C19orf81: variants seen among roughly 807,000 people sequenced by gnomAD.
C19orf81 encodes the protein putative uncharacterized protein C19orf81.
C19orf81 carries 19 observed loss-of-function variants against 22.1 expected under a neutral mutation model. The observed-to-expected ratio is 0.86, with a 90% confidence interval of 0.60 to 1.26. C19orf81 has a LOEUF of 1.26. C19orf81 is among the 50% of genes most tolerant of loss of function. C19orf81 has a pLI of 0.00. For missense variants in C19orf81, 287 were observed against 280.7 expected (o/e 1.02, Z -0.16); for synonymous variants, 108 against 113.1 (o/e 0.95, Z 0.29).
intron 1 of C19orf81, among the ~76,000 whole-genome samples, chr19:50,652,805 C>T (rs779107993): frequency 4.6e-5 from 7 of 151,932 alleles, no homozygotes; most frequent in Admixed American, 2.0e-4. Context: ...AACTGGAGAG[C>T]GAGAGGAGTT....
chr19:50,652,464 G>C (rs1239144269), intron 1 of C19orf81, among the ~76,000 whole-genome samples: 1 of 152,188 alleles, frequency 6.6e-6, no homozygotes, highest in Admixed American at 6.5e-5. Context: ...ATGAGGAATG[G>C]CATCAGTGGA....
At chr19:50,653,459 G>A (rs772532063) in intron 1 of C19orf81, among the ~76,000 whole-genome samples, 11 of 151,950 alleles carry the variant, frequency 7.2e-5, no homozygotes, top group Admixed American at 4.6e-4. Context: ...GAGGGAGGCC[G>A]GTATGACTGG....
Position 50,656,329 on chromosome 19 carries a change from C to T in C19orf81, c.244C>T (p.Leu82Phe). The T allele has an allele frequency of 6.5e-7, 1 of 1,536,008 alleles. No individual in the cohort carries two copies. The highest frequency in any genetic ancestry group is 2.4e-5 in the East Asian group (1 of 40,918). ...PTPPASQPLCLCMETLPEEDF... is the reference protein window; with the variant it reads ...PTPPASQPLCFCMETLPEEDF... ...ACCACCAGCTTCCCAGCCCCTCTGC[C>T]TCTGCATGGAGACCTTGGTGAGTGG... Residue 82 changes from leucine to phenylalanine, a missense_variant, in exon 3 of 5, where the codon CTC becomes TTC. Coordinates refer to ENST00000425202, the MANE Select transcript of C19orf81 (RefSeq NM_001195076.2).
chr19:50,653,894 A>G (rs922285127), intron 1 of C19orf81, among the ~76,000 whole-genome samples: 1 of 151,960 alleles, frequency 6.6e-6, no homozygotes, highest in African/African-American at 2.4e-5. Flanking sequence ...TCTTCATCTC[A>G]TTGGGAACCA....
chr19:50,656,335 A>G lies in C19orf81; in HGVS notation c.250A>G (p.Met84Val), dbSNP rs148726014. The change falls in exon 3 of 5, where the codon ATG becomes GTG. Residue 84 changes from methionine to valine, a missense_variant. By Grantham distance (21) the Met-to-Val change is conservative (BLOSUM62 1). Transcript: ENST00000425202. ...PPASQPLCLC[M>V]ETLPEEDFTH... ...AGCTTCCCAGCCCCTCTGCCTCTGC[A>G]TGGAGACCTTGGTGAGTGGACCTGT... 6 of 1,535,826 alleles carry G rather than the reference A, an allele frequency of 3.9e-6. No homozygotes were observed. The African/African-American group carries it at 4.1e-5, about 10-fold the overall frequency.
rs1027850544 is a variant in C19orf81, at chr19:50,657,998, G to A, written c.271G>A (p.Asp91Asn). ...TCTCCGACACCCGCAGCCCGAGGAG[G>A]ATTTTACCCACCTGGAGGTGCTGCA... Reference protein sequence around the residue: ...CLCMETLPEEDFTHLEVLQAL... With the variant: ...CLCMETLPEENFTHLEVLQAL... Residue 91 changes from aspartate (D) to asparagine (N), a missense_variant, in exon 4 of 5, where the codon GAT becomes AAT. Transcript: ENST00000425202. The A allele has an allele frequency of 2.6e-6, 4 of 1,530,902 alleles. No individual in the cohort carries two copies. The highest frequency in any genetic ancestry group is 2.7e-5 in the African/African-American group (2 of 72,776). The allele number at this position is 1,530,902 out of a possible 1,614,324, so 94.8% of individuals were successfully genotyped here. A position where few individuals can be genotyped will look rare whatever the true frequency, so the allele number is the denominator to read the frequency against.
chr19:50,656,363 C>T lies in C19orf81; in HGVS notation c.261+17C>T. On this transcript the variant is annotated intron_variant, in intron 3 of 4. Transcript: ENST00000425202. ...GAGACCTTGGTGAGTGGACCTGTGCCCTTATTTTCTGCACAGTTTTGGTGG... is the reference window on the plus strand; with the variant it reads ...GAGACCTTGGTGAGTGGACCTGTGCTCTTATTTTCTGCACAGTTTTGGTGG... The T allele has an allele frequency of 1.3e-6, 2 of 1,528,014 alleles. No homozygotes were observed. The highest frequency in any genetic ancestry group is 1.8e-6 in the Non-Finnish European group (2 of 1,141,662). 94.7% of individuals were successfully genotyped at this position (1,528,014 alleles called of 1,614,324 possible). A position where few individuals can be genotyped will look rare whatever the true frequency, so the allele number is the denominator to read the frequency against.
Position 50,659,044 on chromosome 19 carries a change from G to C in C19orf81, c.499G>C (p.Asp167His), listed in dbSNP as rs549756528. ...GLAHQIVRHD[D>H]LLLGDYRLHL... ...TGCGCACCAGATCGTGCGCCACGAC[G>C]ACCTCCTGCTGGGCGACTACCGCCT... The change falls in exon 5 of 5, where the codon GAC becomes CAC. Residue 167 changes from aspartate to histidine, a missense_variant. Transcript: ENST00000425202. The C allele has an allele frequency of 7.2e-6, 11 of 1,529,796 alleles. 1 individual carries two copies. In the African/African-American group the frequency reaches 9.6e-5, roughly 13 times the overall value. The allele number at this position is 1,529,796 out of a possible 1,614,324, so 94.8% of individuals were successfully genotyped here. A position where few individuals can be genotyped will look rare whatever the true frequency, so the allele number is the denominator to read the frequency against.
chr19:50,655,872 C>T (rs919381067), intron 1 of C19orf81, among the ~76,000 whole-genome samples, 178 bp from the exon 2 acceptor site: 1 of 152,164 alleles, frequency 6.6e-6, no homozygotes, highest in Admixed American at 6.5e-5. Context: ...GAGTCTCAAC[C>T]CAGGCATCAC....
At chr19:50,657,757 A>C (rs2123044258) in intron 3 of C19orf81, among the ~76,000 whole-genome samples, 1 of 152,238 alleles carries the variant, frequency 6.6e-6, no homozygotes, top group East Asian at 1.9e-4. Flanking sequence ...GTGAGAATTG[A>C]TTTTTTTGGA....
chr19:50,657,996 A>C lies in C19orf81; in HGVS notation c.269A>C (p.Glu90Ala). Residue 90 changes from glutamate (E) to alanine (A), a missense_variant, in exon 4 of 5, where the codon GAG (glutamate) becomes GCG (alanine). Glu to Ala is a moderately radical substitution (Grantham distance 107). Transcript: ENST00000425202. ...TCTCTCCGACACCCGCAGCCCGAGG[A>C]GGATTTTACCCACCTGGAGGTGCTG... Reference protein sequence around the residue: ...LCLCMETLPEEDFTHLEVLQA... With the variant: ...LCLCMETLPEADFTHLEVLQA... The C allele has an allele frequency of 1.3e-6, 2 of 1,528,396 alleles. No homozygotes were observed. The highest frequency in any genetic ancestry group is 1.7e-6 in the Non-Finnish European group (2 of 1,143,696). The allele number at this position is 1,528,396 out of a possible 1,614,324, so 94.7% of individuals were successfully genotyped here. A position where few individuals can be genotyped will look rare whatever the true frequency, so the allele number is the denominator to read the frequency against.
rs1227612583 is a variant in C19orf81, at chr19:50,656,217, T to C, written c.141-9T>C. ...CTCAGAGGTCCCTGCCTGTTCGCTCTCTCCCTAGAAAGCAGTACCTGCGGC... is the reference window on the plus strand; with the variant it reads ...CTCAGAGGTCCCTGCCTGTTCGCTCCCTCCCTAGAAAGCAGTACCTGCGGC... On this transcript the variant is annotated splice_polypyrimidine_tract_variant and intron_variant, in intron 2 of 4. Coordinates refer to ENST00000425202, the MANE Select transcript of C19orf81 (RefSeq NM_001195076.2). The C allele has an allele frequency of 6.5e-7, 1 of 1,536,018 alleles. No individual in the cohort carries two copies. Among genetic ancestry groups the C allele is most frequent in the Non-Finnish European group, 8.7e-7 (1 of 1,146,826 alleles).
At chr19:50,649,998 C>T (rs868172168) in intron 1 of C19orf81, among the ~76,000 whole-genome samples, 2 of 152,184 alleles carry the variant, frequency 1.3e-5, no homozygotes, top group South Asian at 4.1e-4. Context: ...ATTCCTTCCT[C>T]TCTGTCCCCG....
At position 50,656,349 on chromosome 19, in the gene C19orf81, G is replaced by A. The variant is rs1199774505; in HGVS notation, c.261+3G>A. The A allele has an allele frequency of 2.0e-6, 3 of 1,533,810 alleles. No individual in the cohort carries two copies. The highest frequency in any genetic ancestry group is 1.2e-5 in the South Asian group (1 of 83,604). On this transcript the variant is annotated splice_donor_region_variant and intron_variant, in intron 3 of 4. Transcript: ENST00000425202. ...TCTGCCTCTGCATGGAGACCTTGGT[G>A]AGTGGACCTGTGCCCTTATTTTCTG...
intron 4 of C19orf81, chr19:50,658,505 CT>C: frequency 7.7e-6 from 2 of 261,396 alleles, no homozygotes; most frequent in Non-Finnish European, 1.5e-5. Context: ...AAGGAGGGAT[CT>C]CGAGTGAGTA....
rs147613177 is a variant in C19orf81 at position 50,655,324 on chromosome 19, C to CAA, written c.68-725_68-724dup. Among the ~76,000 whole-genome samples, 364 of 152,188 alleles carry CAA rather than the reference C, an allele frequency of 2.4e-3. 3 individuals carry two copies. Among genetic ancestry groups the CAA allele is most frequent in the African/African-American group, 8.4e-3 (349 of 41,504 alleles). On this transcript the variant is annotated intron_variant, in intron 1 of 4. Transcript: ENST00000425202. Reference sequence around the variant, plus strand: ...TTGAGAACTGTTATCTGTGAAGTTCCAATCAGGAGACTGATTCTGAGAGTG... The same window carrying CAA: ...TTGAGAACTGTTATCTGTGAAGTTCCAAAATCAGGAGACTGATTCTGAGAGTG...
chr19:50,659,028 G>A lies in C19orf81; in HGVS notation c.483G>A (p.Gln161=). The change falls in exon 5 of 5, where the codon CAG becomes CAA. Residue 161 remains glutamine (Q), a synonymous_variant. Transcript: ENST00000425202. ...TCAGTCCCCGCGGGCTTGCGCACCA[G>A]ATCGTGCGCCACGACGACCTCCTGC... The part of the protein sequence containing the change: ...SGLSPRGLAH[Q]IVRHDDLLLG... The A allele has an allele frequency of 6.5e-7, 1 of 1,529,708 alleles. No homozygotes were observed. Among genetic ancestry groups the A allele is most frequent in the Non-Finnish European group, 8.7e-7 (1 of 1,143,526 alleles). The allele number at this position is 1,529,708 out of a possible 1,614,324, so 94.8% of individuals were successfully genotyped here.
chr19:50,657,839 C>T, intron 3 of C19orf81, 150 bp from the exon 4 acceptor site: 1 of 994,758 alleles, frequency 1.0e-6, no homozygotes, highest in Non-Finnish European at 1.4e-6. Flanking sequence ...ACCATAGCGA[C>T]AGTACCCTGG....
In C19orf81 at chr19:50,659,232, C is replaced by G. The variant is rs1985088649; in HGVS notation, c.*90C>G. 8.9e-7 allele frequency: 1 copy of G among 1,127,932 alleles called. No homozygotes were observed. The highest frequency in any genetic ancestry group is 4.3e-5 in the Admixed American group (1 of 23,352). 69.9% of individuals were successfully genotyped at this position (1,127,932 alleles called of 1,614,324 possible). A position where few individuals can be genotyped will look rare whatever the true frequency, so the allele number is the denominator to read the frequency against. On this transcript the variant is annotated 3_prime_UTR_variant, in exon 5 of 5. Transcript: ENST00000425202. ...CCCGGAGGACAGGGGGCGTTGCCTTCCCAGGAAGGAGGCGGGGCCGGCTCG... is the reference window on the plus strand; with the variant it reads ...CCCGGAGGACAGGGGGCGTTGCCTTGCCAGGAAGGAGGCGGGGCCGGCTCG...
Sources: gnomAD v4.1 joint callset for allele counts (sites outside exome capture counted in the v4.1 genomes callset) on GRCh38, gnomAD v4.1.1 for gene constraint, MANE v1.5 for transcripts, NCBI Gene and HGNC (gene_info 2026-07-23, HGNC 2026-07-21) for gene names.